The following KCNH8 variants were observed in gnomAD, a reference collection of about 807,000 sequenced individuals.
The protein encoded by KCNH8 is potassium voltage-gated channel subfamily H member 8, also known as voltage-gated delayed rectifier potassium channel KCNH8.
In KCNH8, 70 loss-of-function variants were observed where a neutral mutation model predicts 103.6. The ratio of observed to expected loss-of-function variants is 0.68; its 90% confidence interval spans 0.56 to 0.82. KCNH8 has a LOEUF of 0.82. KCNH8 is among the 40% of genes least tolerant of loss of function. KCNH8 has a pLI of 0.00. For missense variants in KCNH8, 1,217 were observed against 1,329.9 expected (o/e 0.92, Z 1.32); for synonymous variants, 498 against 489.4 (o/e 1.02, Z -0.23).
chr3:19,205,547 G>T (rs190189623), intron 1 of KCNH8, among the ~76,000 whole-genome samples: 162 of 152,100 alleles, frequency 1.1e-3, no homozygotes, highest in African/African-American at 3.8e-3. Flanking sequence ...AAGCAAGGGG[G>T]TATAGTTACA....
chr3:19,311,270 G>T (rs933199545), intron 3 of KCNH8, among the ~76,000 whole-genome samples: 4 of 151,434 alleles, frequency 2.6e-5, no homozygotes, highest in African/African-American at 9.7e-5. Flanking sequence ...ACATTTAATT[G>T]TCACAAAATA....
At chr3:19,314,036 T>C (rs1487190563) in intron 3 of KCNH8, among the ~76,000 whole-genome samples, 1 of 151,950 alleles carries the variant, frequency 6.6e-6, no homozygotes, top group Non-Finnish European at 1.5e-5. Context: ...ACTACCTACA[T>C]ATAAAAACCT....
chr3:19,288,964 A>C (rs1421431310), intron 3 of KCNH8, among the ~76,000 whole-genome samples: 1 of 151,954 alleles, frequency 6.6e-6, no homozygotes, highest in Non-Finnish European at 1.5e-5. Context: ...TTTGATTTGC[A>C]TTTCTCTGAT....
At chr3:19,260,088 G>A (rs764216453) in intron 2 of KCNH8, among the ~76,000 whole-genome samples, 1 of 151,482 alleles carries the variant, frequency 6.6e-6, no homozygotes, top group Non-Finnish European at 1.5e-5. Flanking sequence ...GGGGAAACGT[G>A]GTGATCTCGT....
chr3:19,195,576 T>C (rs2063592832), intron 1 of KCNH8, among the ~76,000 whole-genome samples: 1 of 151,924 alleles, frequency 6.6e-6, no homozygotes, highest in Non-Finnish European at 1.5e-5. Flanking sequence ...TCCCTTTATA[T>C]TTTGGCAGAA....
chr3:19,213,271 G>A (rs2063787967), intron 1 of KCNH8, among the ~76,000 whole-genome samples: 1 of 152,136 alleles, frequency 6.6e-6, no homozygotes, highest in Admixed American at 6.5e-5. Context: ...TAATAGGAGT[G>A]TTCTAGGACT....
At chr3:19,271,065 T>C (rs1303349292) in intron 2 of KCNH8, among the ~76,000 whole-genome samples, 1 of 152,170 alleles carries the variant, frequency 6.6e-6, no homozygotes, top group East Asian at 1.9e-4. Context: ...TATAGAACCA[T>C]AATATTTCCT....
intron 5 of KCNH8, among the ~76,000 whole-genome samples, chr3:19,381,535 T>G (rs1356704609): frequency 6.6e-6 from 1 of 151,846 alleles, no homozygotes; most frequent in Non-Finnish European, 1.5e-5. Flanking sequence ...TTCCTGCAAA[T>G]GAGAAAAAAT....
chr3:19,521,294 A>G (rs548163577), intron 15 of KCNH8, among the ~76,000 whole-genome samples: 42 of 152,144 alleles, frequency 2.8e-4, no homozygotes, highest in African/African-American at 8.7e-4. Context: ...CTTTGGAAAG[A>G]GACAAATATT....
At chr3:19,312,567 T>C (rs2065220795) in intron 3 of KCNH8, among the ~76,000 whole-genome samples, 1 of 151,936 alleles carries the variant, frequency 6.6e-6, no homozygotes, top group South Asian at 2.1e-4. Flanking sequence ...CATCAGTCAC[T>C]TCTCAGAAAT....
At chr3:19,429,463 C>T (rs776943072) in intron 7 of KCNH8, among the ~76,000 whole-genome samples, 2 of 152,120 alleles carry the variant, frequency 1.3e-5, no homozygotes, top group Non-Finnish European at 2.9e-5. Context: ...CGTGAGCCAC[C>T]GCGCCCGGCC....
At chr3:19,277,339 G>T (rs1349935992) in intron 2 of KCNH8, among the ~76,000 whole-genome samples, 4 of 152,142 alleles carry the variant, frequency 2.6e-5, no homozygotes, top group Non-Finnish European at 5.9e-5. Context: ...AAGGTGGCAG[G>T]ATCCCTTGAA....
intron 3 of KCNH8, among the ~76,000 whole-genome samples, chr3:19,317,282 A>G (rs2065286574): frequency 6.6e-6 from 1 of 151,952 alleles, no homozygotes; most frequent in African/African-American, 2.4e-5. Flanking sequence ...ATTAATTTTC[A>G]CACTAGAATT....
intron 11 of KCNH8, among the ~76,000 whole-genome samples, chr3:19,481,065 C>T (rs1284849802): frequency 6.6e-6 from 1 of 152,154 alleles, no homozygotes; most frequent in Non-Finnish European, 1.5e-5. Context: ...CTTTCTTTCC[C>T]ATGTTTGGCT....
chr3:19,364,543 G>A (rs997752443), intron 5 of KCNH8, among the ~76,000 whole-genome samples: 2 of 151,988 alleles, frequency 1.3e-5, no homozygotes, highest in African/African-American at 4.8e-5. Flanking sequence ...CTATTTTTTG[G>A]TGAATAAATC....
At chr3:19,374,440 T>G (rs1219498493) in intron 5 of KCNH8, among the ~76,000 whole-genome samples, 1 of 152,036 alleles carries the variant, frequency 6.6e-6, no homozygotes, top group African/African-American at 2.4e-5. Flanking sequence ...ACCCCTGCCT[T>G]TTTTTGTTTT....
chr3:19,511,966 T>C (rs2125241908), intron 12 of KCNH8, among the ~76,000 whole-genome samples: 1 of 152,222 alleles, frequency 6.6e-6, no homozygotes, highest in South Asian at 2.1e-4. Flanking sequence ...AAAAAACAAC[T>C]ATTCATTTAA....
At chr3:19,239,444 A>G (rs1255968174) in intron 1 of KCNH8, among the ~76,000 whole-genome samples, 1 of 152,200 alleles carries the variant, frequency 6.6e-6, no homozygotes, top group Non-Finnish European at 1.5e-5. Flanking sequence ...TAACCTAGAT[A>G]CTTTCAAACT....
At chr3:19,245,989 C>A (rs1353290084) in intron 1 of KCNH8, among the ~76,000 whole-genome samples, 1 of 151,960 alleles carries the variant, frequency 6.6e-6, no homozygotes, top group Non-Finnish European at 1.5e-5. Context: ...GGACAATAAA[C>A]CTGACAAGAA....
Sources: allele counts gnomAD v4.1 joint callset (sites outside exome capture counted in the v4.1 genomes callset), GRCh38; gene constraint gnomAD v4.1.1; transcripts MANE v1.5; gene names NCBI Gene and HGNC (gene_info 2026-07-23, HGNC 2026-07-21).